Variants in BMPR1A observed in about 807,000 individuals in gnomAD.
BMPR1A encodes bone morphogenetic protein receptor type 1A.
In BMPR1A, 7 loss-of-function variants were observed where a neutral mutation model predicts 66.0. The observed-to-expected ratio is 0.11, with a 90% CI of 0.06 to 0.20. The LOEUF is 0.20. BMPR1A is among the 10% of genes least tolerant of loss of function. The pLI is 1.00. For missense variants in BMPR1A, 408 were observed against 669.1 expected, an observed-to-expected ratio of 0.61 and a Z score of 4.31; for synonymous variants, 200 against 229.7, an observed-to-expected ratio of 0.87 and a Z score of 1.17.
chr10:86,806,704 A>G (rs1051490987), intron 1 of BMPR1A, among the ~76,000 whole-genome samples: 1 of 151,788 alleles, frequency 6.6e-6, no homozygotes, highest in Admixed American at 6.6e-5. Flanking sequence ...GGTGCACACC[A>G]CCAAACCTGA....
chr10:86,802,166 C>T lies in BMPR1A; in HGVS notation c.-267-36699C>T, dbSNP rs115216380. Among the ~76,000 whole-genome samples the T allele has an allele frequency of 5.1e-3, 772 of 152,268 alleles. 6 individuals are homozygous for T. The highest frequency in any genetic ancestry group is 0.018 in the African/African-American group (739 of 41,556). On this transcript the variant is annotated intron_variant, in intron 1 of 12. Transcript: ENST00000372037. The stretch of plus-strand genomic sequence containing the variant: ...GGCTCTCCTGTGCCAAACTCTTAGC[C>T]GCTGTGACACAACTCTGCATATAGC...
At chr10:86,896,144 A>G (rs932624000) in intron 5 of BMPR1A, among the ~76,000 whole-genome samples, 4 of 148,210 alleles carry the variant, frequency 2.7e-5, no homozygotes, top group African/African-American at 1.0e-4. Context: ...ACAGAGCGAG[A>G]CTCCGTCTCA....
At chr10:86,885,085 C>T (rs566901596) in intron 3 of BMPR1A, among the ~76,000 whole-genome samples, 3 of 152,158 alleles carry the variant, frequency 2.0e-5, no homozygotes, top group East Asian at 3.8e-4. Context: ...CCTAGACCAA[C>T]GTAGTATGAC....
intron 2 of BMPR1A, among the ~76,000 whole-genome samples, chr10:86,858,867 T>G (rs7894966): frequency 0.062 from 9,401 of 152,154 alleles, 664 homozygotes; most frequent in African/African-American, 0.17. Flanking sequence ...AGCTATAGAT[T>G]CAATGCAATC....
At chr10:86,823,527 T>C (rs951119853) in intron 1 of BMPR1A, among the ~76,000 whole-genome samples, 1 of 152,268 alleles carries the variant, frequency 6.6e-6, no homozygotes, top group Non-Finnish European at 1.5e-5. Flanking sequence ...TCCTAAAGAA[T>C]GGTAGATGCA....
In BMPR1A at chr10:86,869,671, C is replaced by T. The variant is rs933438193; in HGVS notation, c.-152-6196C>T. On this transcript the variant is annotated intron_variant, in intron 2 of 12. Transcript: ENST00000372037. ...ACTCGGGATGCTGAGGCGGGAGAAT[C>T]GCTTGAACCCTGGAGGCAGAGGTTG... 2.6e-5 allele frequency among the ~76,000 whole-genome samples: 4 copies of T among 151,782 alleles called. 1 individual carries two copies. The South Asian group carries it at 8.4e-4, about 32-fold the overall frequency.
At chr10:86,828,794 A>ATAT (rs76545175) in intron 1 of BMPR1A, among the ~76,000 whole-genome samples, 1 of 151,938 alleles carries the variant, frequency 6.6e-6, no homozygotes, top group Non-Finnish European at 1.5e-5. Flanking sequence ...ATAAAAAAAA[A>ATAT]ATATATATAC....
intron 8 of BMPR1A, among the ~76,000 whole-genome samples, 185 bp from the exon 9 acceptor site, chr10:86,916,949 C>T (rs1316258850): frequency 2.0e-5 from 3 of 151,680 alleles, no homozygotes; most frequent in East Asian, 1.9e-4. Flanking sequence ...GCCGAGATCG[C>T]GCCACTGCAC....
At chr10:86,768,266 CTT>C (rs1841199592) in intron 1 of BMPR1A, among the ~76,000 whole-genome samples, 1 of 151,992 alleles carries the variant, frequency 6.6e-6, no homozygotes, top group African/African-American at 2.4e-5. Flanking sequence ...ATATAAATAT[CTT>C]AAATATAAAG....
Position 86,794,959 on chromosome 10 carries a change from C to T in BMPR1A, c.-268+38040C>T, listed in dbSNP as rs981822204. 4.6e-5 allele frequency among the ~76,000 whole-genome samples: 7 copies of T among 151,826 alleles called. No homozygotes were observed. The East Asian group carries it at 1.4e-3, about 29-fold the overall frequency. ...CTCCACCTCCTTGGTTCAAGCAGTT[C>T]TCCTGCCTCAGCCTCCCGAGTAGCT... On this transcript the variant is annotated intron_variant, in intron 1 of 12. Coordinates refer to ENST00000372037, the MANE Select transcript of BMPR1A (RefSeq NM_004329.3).
At chr10:86,854,396 C>G (rs1275126923) in intron 2 of BMPR1A, among the ~76,000 whole-genome samples, 1 of 152,106 alleles carries the variant, frequency 6.6e-6, no homozygotes, top group African/African-American at 2.4e-5. Context: ...AAAGTAAAGA[C>G]AAGCATAGGA....
intron 7 of BMPR1A, among the ~76,000 whole-genome samples, chr10:86,902,439 C>T (rs1843326007): frequency 6.6e-6 from 1 of 151,904 alleles, no homozygotes; most frequent in Non-Finnish European, 1.5e-5. Context: ...CTTGAGACTG[C>T]CTGCAGTGCC....
chr10:86,895,609 C>T (rs1402653052), intron 5 of BMPR1A, among the ~76,000 whole-genome samples: 1 of 151,910 alleles, frequency 6.6e-6, no homozygotes, highest in Non-Finnish European at 1.5e-5. Context: ...TATGTGAATA[C>T]ATTGTCTTGA....
chr10:86,825,809 A>G (rs1227760340), intron 1 of BMPR1A, among the ~76,000 whole-genome samples: 1 of 152,174 alleles, frequency 6.6e-6, no homozygotes, highest in East Asian at 1.9e-4. Context: ...AATTTCCAGA[A>G]AAAAAGTTTT....
intron 1 of BMPR1A, among the ~76,000 whole-genome samples, chr10:86,804,328 C>T (rs1841855019): frequency 6.6e-6 from 1 of 152,168 alleles, no homozygotes; most frequent in African/African-American, 2.4e-5. Context: ...GCAACTCCAC[C>T]TCGTGGGTTC....
chr10:86,931,487 A>G (rs1843810518), downstream of BMPR1A: 1 of 150,874 alleles, frequency 6.6e-6, no homozygotes, highest in Admixed American at 6.6e-5. Flanking sequence ...AAAGACCTAC[A>G]CTGCTGTGGG....
At chr10:86,883,590 G>A (rs1002368828) in intron 3 of BMPR1A, among the ~76,000 whole-genome samples, 1 of 143,234 alleles carries the variant, frequency 7.0e-6, no homozygotes, top group African/African-American at 2.6e-5. Flanking sequence ...GGCCAACATG[G>A]TGAAACACCG....
intron 1 of BMPR1A, among the ~76,000 whole-genome samples, chr10:86,836,913 A>G (rs1419705782): frequency 6.6e-6 from 1 of 152,214 alleles, no homozygotes; most frequent in Non-Finnish European, 1.5e-5. Context: ...AGCCTGGGTA[A>G]TGGAGCCAGA....
intron 1 of BMPR1A, among the ~76,000 whole-genome samples, chr10:86,788,144 G>T (rs1841545214): frequency 6.6e-6 from 1 of 152,100 alleles, no homozygotes; most frequent in Non-Finnish European, 1.5e-5. Context: ...TTTGTTTCAA[G>T]GGAATTAGGG....
Sources: gnomAD v4.1 joint callset for allele counts (sites outside exome capture counted in the v4.1 genomes callset) on GRCh38, gnomAD v4.1.1 for gene constraint, MANE v1.5 for transcripts, NCBI Gene and HGNC (gene_info 2026-07-23, HGNC 2026-07-21) for gene names.